Variants in PDE1C observed in about 807,000 individuals in gnomAD.
PDE1C encodes phosphodiesterase 1C.
PDE1C carries 62 observed loss-of-function variants against 93.1 expected under a neutral mutation model. The ratio of observed to expected loss-of-function variants is 0.67; its 90% CI spans 0.54 to 0.82. The LOEUF is 0.82. Ranked by LOEUF, PDE1C falls within the 40% of genes least tolerant of loss-of-function variation. The probability of loss-of-function intolerance (pLI) is 0.00; values close to 1 mark genes in which losing one functional copy is unlikely to be tolerated. For missense variants in PDE1C, 742 were observed against 884.6 expected (o/e 0.84, Z 2.04); for synonymous variants, 325 against 310.1 (o/e 1.05, Z -0.50).
chr7:31,838,752 A>C (rs185071848), intron 9 of PDE1C, among the ~76,000 whole-genome samples: 37 of 152,228 alleles, frequency 2.4e-4, no homozygotes, highest in African/African-American at 8.4e-4. Context: ...TTATTGAGGT[A>C]TAATTTACAT....
chr7:31,897,635 T>C (rs1412743027), intron 2 of PDE1C, among the ~76,000 whole-genome samples: 1 of 152,204 alleles, frequency 6.6e-6, no homozygotes. Context: ...TTCTCTAATA[T>C]TGTTTTCTGT....
intron 2 of PDE1C, among the ~76,000 whole-genome samples, chr7:32,206,037 C>G (rs1013802712): frequency 1.9e-4 from 29 of 152,158 alleles, no homozygotes; most frequent in African/African-American, 6.8e-4. Flanking sequence ...CAGTACTGTT[C>G]TAGGATCAAG....
At chr7:31,917,438 T>C (rs1802066851) in intron 2 of PDE1C, among the ~76,000 whole-genome samples, 2 of 152,280 alleles carry the variant, frequency 1.3e-5, no homozygotes, top group South Asian at 4.1e-4. Flanking sequence ...GTCAGACCTA[T>C]GAGTCTCCAA....
At chr7:32,305,371 A>G (rs1275210677) in intron 1 of PDE1C, among the ~76,000 whole-genome samples, 1 of 152,192 alleles carries the variant, frequency 6.6e-6, no homozygotes, top group Non-Finnish European at 1.5e-5. Context: ...GTTGTTAACC[A>G]GGGAAACTTA....
intron 7 of PDE1C, among the ~76,000 whole-genome samples, chr7:31,852,565 T>C (rs1046469349): frequency 7.9e-5 from 12 of 152,182 alleles, no homozygotes; most frequent in Admixed American, 7.9e-4. Flanking sequence ...GGTGCTTTTA[T>C]ATAGAAACTT....
intron 1 of PDE1C, among the ~76,000 whole-genome samples, chr7:32,392,848 A>G (rs933011682): frequency 6.6e-6 from 1 of 152,106 alleles, no homozygotes; most frequent in Admixed American, 6.6e-5. Flanking sequence ...CAGGAGTTCG[A>G]GACCAGGCTG....
At chr7:32,157,772 T>C (rs181573507) in intron 3 of PDE1C, among the ~76,000 whole-genome samples, 51 of 152,318 alleles carry the variant, frequency 3.3e-4, no homozygotes, top group African/African-American at 1.1e-3. Flanking sequence ...AGATAGATGA[T>C]AAACCTAAAG....
At chr7:31,640,405 T>C in the PDE1C span, among the ~76,000 whole-genome samples, 1 of 152,186 alleles carries the variant, frequency 6.6e-6, no homozygotes, top group African/African-American at 2.4e-5. Context: ...TGTGTGCAGC[T>C]CCTTCCTCTC....
chr7:32,289,276 G>A (rs183767104), intron 1 of PDE1C, among the ~76,000 whole-genome samples: 3 of 152,256 alleles, frequency 2.0e-5, no homozygotes, highest in Non-Finnish European at 4.4e-5. Flanking sequence ...GCATGGTGGT[G>A]CACACCTGTA....
the PDE1C span, among the ~76,000 whole-genome samples, chr7:31,622,683 T>C: frequency 6.6e-6 from 1 of 151,604 alleles, no homozygotes; most frequent in Non-Finnish European, 1.5e-5. Context: ...CACCCTAACA[T>C]CACAATTAAA....
intron 2 of PDE1C, among the ~76,000 whole-genome samples, chr7:31,886,328 T>C (rs1210427246): frequency 6.6e-6 from 1 of 152,214 alleles, no homozygotes. Flanking sequence ...TGCCCCAACA[T>C]GACTTTTAGT....
At chr7:32,255,328 G>A (rs1250733562) in intron 1 of PDE1C, among the ~76,000 whole-genome samples, 1 of 152,200 alleles carries the variant, frequency 6.6e-6, no homozygotes, top group Non-Finnish European at 1.5e-5. Context: ...CGCAGGGGAG[G>A]GGAAGGAGCC....
intron 3 of PDE1C, among the ~76,000 whole-genome samples, chr7:32,081,559 C>G (rs1796663121): frequency 6.6e-6 from 1 of 152,186 alleles, no homozygotes. Context: ...TTCAACCTAT[C>G]AGAATCTAAT....
intron 2 of PDE1C, among the ~76,000 whole-genome samples, chr7:31,881,889 T>C (rs1797297742): frequency 6.6e-6 from 1 of 152,196 alleles, no homozygotes; most frequent in South Asian, 2.1e-4. Flanking sequence ...ATGACTTTGA[T>C]CACCACAGAT....
intron 2 of PDE1C, among the ~76,000 whole-genome samples, chr7:31,964,067 G>A (rs779169285): frequency 1.3e-5 from 2 of 152,236 alleles, no homozygotes; most frequent in African/African-American, 4.8e-5. Context: ...ATTTCCAACT[G>A]AGGTAGCGGG....
At chr7:31,740,969 T>A in the PDE1C span, among the ~76,000 whole-genome samples, 1 of 151,732 alleles carries the variant, frequency 6.6e-6, no homozygotes, top group Non-Finnish European at 1.5e-5. Flanking sequence ...CTCAGGAGGC[T>A]GAAGTGGGAG....
chr7:31,636,023 A>G, the PDE1C span, among the ~76,000 whole-genome samples: 1 of 152,186 alleles, frequency 6.6e-6, no homozygotes, highest in African/African-American at 2.4e-5. Flanking sequence ...ATCACGGCAG[A>G]AGGCACTTTT....
chr7:32,212,388 C>T (rs1208380633), intron 1 of PDE1C, among the ~76,000 whole-genome samples: 1 of 152,154 alleles, frequency 6.6e-6, no homozygotes, highest in African/African-American at 2.4e-5. Flanking sequence ...GGATCCAGAC[C>T]AGTGGGACAC....
chr7:32,078,772 T>C (rs1796493980), intron 3 of PDE1C, among the ~76,000 whole-genome samples: 1 of 151,828 alleles, frequency 6.6e-6, no homozygotes, highest in African/African-American at 2.4e-5. Flanking sequence ...AAAAAATTTT[T>C]AAAAATTAGC....
Sources: allele counts gnomAD v4.1 joint callset (sites outside exome capture counted in the v4.1 genomes callset), GRCh38; gene constraint gnomAD v4.1.1; transcripts MANE v1.5; gene names NCBI Gene and HGNC (gene_info 2026-07-23, HGNC 2026-07-21).